UGT3A2: variants seen among roughly 807,000 people sequenced by gnomAD.
The protein encoded by UGT3A2 is UDP glycosyltransferase family 3 member A2, also known as UDP-glycosyltransferase 3A2.
In UGT3A2, 32 loss-of-function variants were observed where a neutral mutation model predicts 39.8. That is an observed-to-expected ratio of 0.80 (90% CI 0.61 to 1.08). The LOEUF (loss-of-function observed/expected upper bound fraction) is 1.08, where lower values mean the gene tolerates loss of function less well. Among genes scored for constraint, UGT3A2 ranks in the 50% least tolerant of loss-of-function variants. The probability of loss-of-function intolerance (pLI) is 0.00; values close to 1 mark genes in which losing one functional copy is unlikely to be tolerated. For synonymous variants in UGT3A2, 241 were observed against 230.7 expected (o/e 1.04, Z -0.40); for missense variants, 611 against 637.1 (o/e 0.96, Z 0.44).
At chr5:36,047,381 A>G (rs1326444107) in intron 4 of UGT3A2, among the ~76,000 whole-genome samples, 2 of 152,206 alleles carry the variant, frequency 1.3e-5, no homozygotes, top group African/African-American at 4.8e-5. Context: ...GGCTCACAAT[A>G]TCTAATGTCT....
At chr5:36,057,111 A>G (rs1314196898) in intron 2 of UGT3A2, among the ~76,000 whole-genome samples, 1 of 152,238 alleles carries the variant, frequency 6.6e-6, no homozygotes, top group Non-Finnish European at 1.5e-5. Flanking sequence ...GATTGGTTGG[A>G]GCAGTAGTAC....
At chr5:36,050,862 CA>C (rs34970074) in intron 3 of UGT3A2, among the ~76,000 whole-genome samples, 46 of 138,772 alleles carry the variant, frequency 3.3e-4, no homozygotes, top group East Asian at 1.5e-3. Flanking sequence ...AACTCCGTCT[CA>C]AAAAAAAAAA....
intron 2 of UGT3A2, among the ~76,000 whole-genome samples, chr5:36,055,153 T>G (rs1742465925): frequency 6.6e-6 from 1 of 151,716 alleles, no homozygotes; most frequent in South Asian, 2.1e-4. Flanking sequence ...AAAAAAAATT[T>G]GGGGGGGTAC....
intron 3 of UGT3A2, among the ~76,000 whole-genome samples, chr5:36,051,449 G>C (rs1002779412): frequency 6.6e-6 from 1 of 152,188 alleles, no homozygotes; most frequent in Admixed American, 6.5e-5. Context: ...AGGGAAGACA[G>C]TAAGTGGGAA....
chr5:36,062,092 TG>T (rs1431371416), intron 2 of UGT3A2, among the ~76,000 whole-genome samples: 1 of 152,004 alleles, frequency 6.6e-6, no homozygotes, highest in Non-Finnish European at 1.5e-5. Flanking sequence ...TGGGGTTGTT[TG>T]TTTTTTTCTT....
intron 2 of UGT3A2, among the ~76,000 whole-genome samples, chr5:36,053,456 A>G (rs953044953): frequency 5.3e-5 from 8 of 152,146 alleles, no homozygotes; most frequent in African/African-American, 1.7e-4. Context: ...TTACTTGAAA[A>G]TCAGCCCACA....
intron 3 of UGT3A2, 25 bp downstream of exon 3, chr5:36,051,845 G>T: frequency 6.6e-7 from 1 of 1,521,628 alleles, no homozygotes; most frequent in Non-Finnish European, 8.9e-7. Flanking sequence ...TGACCTTTTT[G>T]TTCAAAGAAT....
At chr5:36,052,303 T>G (rs772265301) in intron 2 of UGT3A2, among the ~76,000 whole-genome samples, 2 of 152,224 alleles carry the variant, frequency 1.3e-5, no homozygotes, top group Admixed American at 1.3e-4. Flanking sequence ...CTCTGTTCTT[T>G]CTGTTTTACA....
In UGT3A2 at chr5:36,055,153, T is replaced by TG. The variant is rs1195573749; in HGVS notation, c.197-3170dup. 5.9e-5 allele frequency among the ~76,000 whole-genome samples: 9 copies of TG among 151,716 alleles called. 1 individual carries two copies. Among genetic ancestry groups the TG allele is most frequent in the East Asian group, 3.9e-4 (2 of 5,156 alleles). Reference sequence around the variant, plus strand: ...AGACTTCATCTCAAAAAAAAAAATTTGGGGGGGTACCTTGTGACCCTCGTG... The same window carrying TG: ...AGACTTCATCTCAAAAAAAAAAATTTGGGGGGGGTACCTTGTGACCCTCGTG... On this transcript the variant is annotated intron_variant, in intron 2 of 6. Transcript: ENST00000282507.
chr5:36,036,428 A>G (rs1165801175), intron 6 of UGT3A2, among the ~76,000 whole-genome samples: 1 of 152,200 alleles, frequency 6.6e-6, no homozygotes, highest in Non-Finnish European at 1.5e-5. Flanking sequence ...TATTTGTACC[A>G]CATAATTAGT....
At chr5:36,045,659 A>T (rs1215722291) in intron 4 of UGT3A2, among the ~76,000 whole-genome samples, 3 of 151,992 alleles carry the variant, frequency 2.0e-5, no homozygotes, top group Non-Finnish European at 2.9e-5. Flanking sequence ...GAAATCTAAG[A>T]CCTCAAGCTA....
intron 2 of UGT3A2, among the ~76,000 whole-genome samples, chr5:36,057,797 C>T (rs1365385689): frequency 3.3e-5 from 5 of 152,082 alleles, no homozygotes; most frequent in African/African-American, 1.2e-4. Flanking sequence ...GCCTCAGCCT[C>T]CCAAAGTGCT....
At chr5:36,052,997 C>T (rs560749740) in intron 2 of UGT3A2, among the ~76,000 whole-genome samples, 20 of 152,308 alleles carry the variant, frequency 1.3e-4, no homozygotes, top group African/African-American at 4.8e-4. Flanking sequence ...AGGCTCTCAG[C>T]CACAGTGTGT....
At chr5:36,055,475 G>A (rs548440187) in intron 2 of UGT3A2, among the ~76,000 whole-genome samples, 1 of 152,070 alleles carries the variant, frequency 6.6e-6, no homozygotes, top group Admixed American at 6.5e-5. Flanking sequence ...CAGGTGATCC[G>A]CCTGCATCAG....
At chr5:36,057,959 T>C (rs191284604) in intron 2 of UGT3A2, among the ~76,000 whole-genome samples, 1 of 152,324 alleles carries the variant, frequency 6.6e-6, no homozygotes, top group Non-Finnish European at 1.5e-5. Context: ...TAAAAATGAA[T>C]ATACTACAAC....
chr5:36,056,502 C>G (rs1210000033), intron 2 of UGT3A2, among the ~76,000 whole-genome samples: 1 of 152,234 alleles, frequency 6.6e-6, no homozygotes, highest in Non-Finnish European at 1.5e-5. Context: ...AAATCCACTT[C>G]ATGGAATTTG....
Position 36,039,649 on chromosome 5 carries a change from G to A in UGT3A2, c.903C>T (p.Gly301=). 6.2e-7 allele frequency: 1 copy of A among 1,614,196 alleles called. No homozygotes were observed. Among genetic ancestry groups the A allele is most frequent in the Non-Finnish European group, 8.5e-7 (1 of 1,180,036 alleles). Residue 301 remains glycine (G), a synonymous_variant, in exon 5 of 7, where the codon GGC becomes GGT. Transcript: ENST00000282507. ...GATTCTGACAGGTGTTCACCATGGAGCCCAAGGTCACAAGGACAAAACCAG... is the reference window on the plus strand; with the variant it reads ...GATTCTGACAGGTGTTCACCATGGAACCCAAGGTCACAAGGACAAAACCAG... The part of the protein sequence containing the change: ...GDSGFVLVTL[G]SMVNTCQNPE...
rs1742274254 is a variant in UGT3A2, at chr5:36,049,435, T to G, written c.312-15A>C. ...CAAATTTTCCTCTGTAAGAAAAAAA[T>G]GATAATAAATATTCATGGGAAGTGT... On this transcript the variant is annotated splice_polypyrimidine_tract_variant and intron_variant, in intron 3 of 6. Transcript: ENST00000282507. 2 of 1,516,282 alleles carry G rather than the reference T, an allele frequency of 1.3e-6. No individual in the cohort carries two copies. Among genetic ancestry groups the G allele is most frequent in the South Asian group, 2.6e-5 (2 of 75,990 alleles). 93.9% of individuals were successfully genotyped at this position (1,516,282 alleles called of 1,614,324 possible).
intron 2 of UGT3A2, among the ~76,000 whole-genome samples, chr5:36,057,922 A>G (rs542250606): frequency 6.6e-6 from 1 of 152,304 alleles, no homozygotes; most frequent in Non-Finnish European, 1.5e-5. Context: ...TTTAGTTACA[A>G]TTTTTGAAAT....
Sources: gnomAD v4.1 joint callset for allele counts (sites outside exome capture counted in the v4.1 genomes callset) on GRCh38, gnomAD v4.1.1 for gene constraint, MANE v1.5 for transcripts, NCBI Gene and HGNC (gene_info 2026-07-23, HGNC 2026-07-21) for gene names.